The following KLHL24 variants were observed in gnomAD, a reference collection of about 807,000 sequenced individuals.
KLHL24 encodes kelch-like protein 24.
In KLHL24, 29 loss-of-function variants were observed where a neutral mutation model predicts 53.4. That is an observed-to-expected ratio of 0.54 (90% CI 0.40 to 0.74). KLHL24 has a LOEUF of 0.74. Ranked by LOEUF, KLHL24 falls within the 30% of genes least tolerant of loss-of-function variation. The pLI is 0.00. For missense variants in KLHL24, 504 were observed against 744.0 expected (o/e 0.68, Z 3.75); for synonymous variants, 222 against 253.7 (o/e 0.88, Z 1.19).
intron 1 of KLHL24, among the ~76,000 whole-genome samples, chr3:183,641,494 AG>A (rs1199669035): frequency 2.4e-4 from 36 of 151,314 alleles, no homozygotes; most frequent in African/African-American, 8.7e-4. Context: ...AAAAAAAAAA[AG>A]ATTTACTATA....
At chr3:183,668,352 A>T (rs1212662435) in intron 5 of KLHL24, among the ~76,000 whole-genome samples, 1 of 152,150 alleles carries the variant, frequency 6.6e-6, no homozygotes, top group East Asian at 1.9e-4. Flanking sequence ...AAAATAGTGT[A>T]CTTGACTTGA....
Position 183,679,113 on chromosome 3 carries a change from G to C in KLHL24, c.1630G>C (p.Gly544Arg). The part of the protein sequence containing the change: ...QENCGMSVCN[G>R]KIYILGGRRE... Reference sequence around the variant, plus strand: ...AAACTGTGGTATGTCTGTGTGTAATGGTAAAATATATATCCTGGGCGGAAG... The same window carrying C: ...AAACTGTGGTATGTCTGTGTGTAATCGTAAAATATATATCCTGGGCGGAAG... The change falls in exon 8 of 8, where the codon GGT becomes CGT. Residue 544 changes from glycine to arginine, a missense_variant. By Grantham distance (125) the Gly-to-Arg change is moderately radical. Transcript: ENST00000242810. The C allele has an allele frequency of 6.2e-7, 1 of 1,613,634 alleles. No homozygotes were observed. The highest frequency in any genetic ancestry group is 1.7e-5 in the Admixed American group (1 of 59,998).
At chr3:183,651,323 T>C in intron 3 of KLHL24, 47 bp downstream of exon 3, 1 of 1,344,418 alleles carries the variant, frequency 7.4e-7, no homozygotes, top group Non-Finnish European at 1.0e-6. Context: ...TTTTAATATA[T>C]CTTTAAACCT....
chr3:183,665,608 G>A (rs1720421259), intron 5 of KLHL24, among the ~76,000 whole-genome samples: 3 of 151,984 alleles, frequency 2.0e-5, no homozygotes, highest in Admixed American at 2.0e-4. Context: ...AAATAAGCTG[G>A]GGTTGGTGGC....
chr3:183,668,045 C>A (rs963876082), intron 5 of KLHL24, among the ~76,000 whole-genome samples: 1 of 149,128 alleles, frequency 6.7e-6, no homozygotes, highest in South Asian at 2.2e-4. Flanking sequence ...TAATTCCTAA[C>A]GACCTGGATC....
At chr3:183,676,132 G>T (rs2108895477) in intron 7 of KLHL24, among the ~76,000 whole-genome samples, 1 of 152,324 alleles carries the variant, frequency 6.6e-6, no homozygotes, top group East Asian at 1.9e-4. Context: ...TACCACCAAT[G>T]CTACTAAATA....
rs183386933 is a variant in KLHL24, at chr3:183,673,485, T to G, written c.1602+1001T>G. Among the ~76,000 whole-genome samples, 32 of 152,280 alleles carry G rather than the reference T, an allele frequency of 2.1e-4. No homozygotes were observed. The East Asian group carries it at 6.2e-3, about 29-fold the overall frequency. Reference sequence around the variant, plus strand: ...GAGAGGAATGTTCCCAAACTTGTTGTTTCTTTGGTTAGAGGCTGGGAAATC... The same window carrying G: ...GAGAGGAATGTTCCCAAACTTGTTGGTTCTTTGGTTAGAGGCTGGGAAATC... On this transcript the variant is annotated intron_variant, in intron 7 of 7. Coordinates refer to ENST00000242810, the MANE Select transcript of KLHL24 (RefSeq NM_017644.3).
At chr3:183,659,527 G>A (rs1013911780) in intron 3 of KLHL24, among the ~76,000 whole-genome samples, 16 of 152,202 alleles carry the variant, frequency 1.1e-4, no homozygotes, top group African/African-American at 2.9e-4. Flanking sequence ...GTGAGACTCC[G>A]TCTCAAGGAA....
chr3:183,659,193 A>G (rs988173381), intron 3 of KLHL24, among the ~76,000 whole-genome samples: 2 of 152,020 alleles, frequency 1.3e-5, no homozygotes, highest in Admixed American at 1.3e-4. Context: ...CTGATTGCAA[A>G]TAGAAACAAA....
intron 7 of KLHL24, among the ~76,000 whole-genome samples, chr3:183,677,413 A>G (rs1378214043): frequency 2.0e-5 from 3 of 152,180 alleles, no homozygotes; most frequent in Non-Finnish European, 4.4e-5. Flanking sequence ...GGTATTCTGA[A>G]TTAAAGTGTC....
intron 7 of KLHL24, among the ~76,000 whole-genome samples, chr3:183,676,811 C>A (rs1339592136): frequency 6.6e-6 from 1 of 151,866 alleles, no homozygotes; most frequent in Non-Finnish European, 1.5e-5. Context: ...ATTTAAAATA[C>A]CATTAAAGAT....
At chr3:183,636,014 G>A (rs1466571898) in intron 1 of KLHL24, among the ~76,000 whole-genome samples, 2 of 152,136 alleles carry the variant, frequency 1.3e-5, no homozygotes, top group African/African-American at 4.8e-5. Flanking sequence ...CTGAGGGAGG[G>A]CGCGCGCGCC....
intron 1 of KLHL24, among the ~76,000 whole-genome samples, chr3:183,639,629 CAA>C (rs767908911): frequency 5.8e-4 from 23 of 39,458 alleles, no homozygotes; most frequent in African/African-American, 5.4e-4. Flanking sequence ...GACTCTGTCT[CAA>C]AAAAAAAAAA....
chr3:183,664,934 C>T lies in KLHL24; in HGVS notation c.1119C>T (p.Asn373=). Residue 373 remains asparagine (N), a synonymous_variant, in exon 5 of 8, where the codon AAC becomes AAT. Coordinates refer to ENST00000242810, the MANE Select transcript of KLHL24 (RefSeq NM_017644.3). ...NDILVSGGRI[N]SRDVWIYNSQ... is the part of the protein sequence containing the mutation. Reference sequence around the variant, plus strand: ...TTGCATTTCAAGGTGGAAGAATCAACAGCCGTGATGTCTGGATTTATAACT... The same window carrying T: ...TTGCATTTCAAGGTGGAAGAATCAATAGCCGTGATGTCTGGATTTATAACT... The T allele has an allele frequency of 6.2e-7, 1 of 1,602,740 alleles. No individual in the cohort carries two copies. The highest frequency in any genetic ancestry group is 8.5e-7 in the Non-Finnish European group (1 of 1,171,702).
intron 3 of KLHL24, among the ~76,000 whole-genome samples, chr3:183,651,956 G>GA (rs910157357): frequency 1.6e-5 from 2 of 127,786 alleles, no homozygotes. Flanking sequence ...AAAAAAAAAA[G>GA]AAAAAAAAAT....
chr3:183,640,600 C>CTTTTTTTCTTT (rs1385918724), intron 1 of KLHL24, among the ~76,000 whole-genome samples: 1 of 61,668 alleles, frequency 1.6e-5, no homozygotes, highest in African/African-American at 9.3e-5. Flanking sequence ...TTTCTTTTTT[C>CTTTTTTTCTTT]TTTTTTTTTT....
chr3:183,676,737 AT>A (rs1711952944), intron 7 of KLHL24, among the ~76,000 whole-genome samples: 1 of 152,152 alleles, frequency 6.6e-6, no homozygotes, highest in South Asian at 2.1e-4. Context: ...TTTAAAAAAA[AT>A]TGTGGGATTT....
intron 3 of KLHL24, among the ~76,000 whole-genome samples, chr3:183,656,933 A>G (rs1187279330): frequency 6.6e-6 from 1 of 151,082 alleles, no homozygotes; most frequent in Non-Finnish European, 1.5e-5. Context: ...AAAAAAAAAT[A>G]AGCGTAACAA....
intron 5 of KLHL24, among the ~76,000 whole-genome samples, chr3:183,668,121 A>G (rs1453590795): frequency 1.3e-5 from 2 of 151,242 alleles, no homozygotes; most frequent in African/African-American, 4.9e-5. Flanking sequence ...TTTACTGGAA[A>G]TAAAATATTA....
Sources: allele counts gnomAD v4.1 joint callset (sites outside exome capture counted in the v4.1 genomes callset), GRCh38; gene constraint gnomAD v4.1.1; transcripts MANE v1.5; gene names NCBI Gene and HGNC (gene_info 2026-07-23, HGNC 2026-07-21).